Variants in RBM47 observed in about 807,000 individuals in gnomAD.
RBM47 encodes RNA binding motif protein 47, also known as RNA-binding protein 47.
Under a neutral mutation model 47.1 loss-of-function variants are expected in RBM47, and 21 were observed. That is an observed-to-expected ratio of 0.45 (90% CI 0.32 to 0.64). The LOEUF is 0.64. RBM47 is among the 30% of genes least tolerant of loss of function. The pLI, the probability that RBM47 is intolerant of heterozygous loss-of-function variation, is 0.05. For synonymous variants in RBM47, 375 were observed against 361.7 expected (o/e 1.04, Z -0.42); for missense variants, 708 against 870.9 (o/e 0.81, Z 2.35).
intron 3 of RBM47, among the ~76,000 whole-genome samples, chr4:40,458,066 T>C (rs1716563039): frequency 6.6e-6 from 1 of 152,254 alleles, no homozygotes; most frequent in African/African-American, 2.4e-5. Context: ...CCTCCTAATT[T>C]GAAACTATAT....
intron 1 of RBM47, among the ~76,000 whole-genome samples, chr4:40,581,434 T>TAATTAATAAATA (rs1553904672): frequency 2.9e-5 from 4 of 138,988 alleles, no homozygotes; most frequent in Non-Finnish European, 6.1e-5. Flanking sequence ...AAAAAAGTAA[T>TAATTAATAAATA]AATAAATAAA....
intron 1 of RBM47, among the ~76,000 whole-genome samples, chr4:40,620,195 GAAAAAAAAAAAAA>G (rs200356171): frequency 1.9e-4 from 15 of 80,208 alleles, no homozygotes; most frequent in African/African-American, 3.0e-4. Context: ...GACTCAGTAT[GAAAAAAAAAAAAA>G]AAAAAAAAAA....
intron 1 of RBM47, among the ~76,000 whole-genome samples, chr4:40,550,423 C>A (rs2102162): frequency 6.6e-6 from 1 of 151,726 alleles, no homozygotes; most frequent in Admixed American, 6.6e-5. Flanking sequence ...GTTTATCATA[C>A]GTAATTTTTT....
chr4:40,450,989 G>T (rs1042948126), intron 3 of RBM47, among the ~76,000 whole-genome samples: 1 of 152,092 alleles, frequency 6.6e-6, no homozygotes, highest in South Asian at 2.1e-4. Context: ...AAATAGAGAA[G>T]AAGTTGTTAT....
At chr4:40,457,801 A>C (rs181085355) in intron 3 of RBM47, among the ~76,000 whole-genome samples, 2 of 152,114 alleles carry the variant, frequency 1.3e-5, no homozygotes, top group African/African-American at 4.8e-5. Context: ...GTTTAAAAAA[A>C]TTTTCTTAAA....
intron 2 of RBM47, among the ~76,000 whole-genome samples, chr4:40,484,925 C>T (rs901721017): frequency 3.9e-5 from 6 of 152,178 alleles, no homozygotes; most frequent in African/African-American, 1.4e-4. Context: ...CACAACATTG[C>T]CTAAACAGCA....
At chr4:40,500,850 A>C (rs988971570) in intron 2 of RBM47, among the ~76,000 whole-genome samples, 5 of 152,162 alleles carry the variant, frequency 3.3e-5, no homozygotes, top group Non-Finnish European at 5.9e-5. Context: ...CCTTAACCAC[A>C]ATTTTTTCAG....
intron 2 of RBM47, among the ~76,000 whole-genome samples, chr4:40,497,361 G>A (rs567411127): frequency 2.0e-5 from 3 of 152,316 alleles, no homozygotes; most frequent in East Asian, 1.9e-4. Context: ...GCTCAAGCCT[G>A]TAATCCCAGC....
Position 40,429,156 on chromosome 4 carries a change from G to A in RBM47, c.1543-3013C>T, listed in dbSNP as rs577996105. Among the ~76,000 whole-genome samples, 9 of 152,088 alleles carry A rather than the reference G, an allele frequency of 5.9e-5. 1 individual carries two copies. In the South Asian group the frequency reaches 1.9e-3, roughly 32 times the overall value. On this transcript the variant is annotated intron_variant, in intron 6 of 6. Coordinates refer to ENST00000295971, the MANE Select transcript of RBM47 (RefSeq NM_001098634.2). ...GCCCATGTCACTTAATAGCCATCTGGGTTATCAGATTGACCGTCAAGGAAC... is the reference window on the plus strand; with the variant it reads ...GCCCATGTCACTTAATAGCCATCTGAGTTATCAGATTGACCGTCAAGGAAC...
intron 3 of RBM47, among the ~76,000 whole-genome samples, chr4:40,456,658 C>A (rs1422327030): frequency 1.4e-5 from 2 of 145,256 alleles, no homozygotes; most frequent in South Asian, 4.3e-4. Flanking sequence ...CTCAACTTCT[C>A]AGGCTCAAGC....
upstream of RBM47, chr4:40,630,005 G>T (rs1738093982): frequency 6.6e-6 from 1 of 152,406 alleles, no homozygotes; most frequent in South Asian, 2.1e-4. Context: ...CCCAACACCG[G>T]CAACTTCCCG....
rs1714869284 is a variant in RBM47 at position 40,425,268 on chromosome 4, G to C, written c.*636C>G. ...CAAGTCTTTTCAATGTTGGCTTAAG[G>C]AGAGATCCAGTGTTTAATTTCTTTT... On this transcript the variant is annotated 3_prime_UTR_variant, in exon 7 of 7. Transcript: ENST00000295971. 6.6e-6 allele frequency: 1 copy of C among 152,666 alleles called. No individual in the cohort carries two copies. The highest frequency in any genetic ancestry group is 2.4e-5 in the African/African-American group (1 of 41,448). The allele number at this position is 152,666 out of a possible 1,614,324, so 9.5% of individuals were successfully genotyped here.
intron 2 of RBM47, among the ~76,000 whole-genome samples, chr4:40,506,046 T>C (rs1006395189): frequency 3.9e-5 from 6 of 152,360 alleles, no homozygotes; most frequent in Admixed American, 3.3e-4. Context: ...CTCTGACCTA[T>C]CTACTATCAA....
intron 3 of RBM47, among the ~76,000 whole-genome samples, chr4:40,443,794 G>T (rs892552696): frequency 7.0e-6 from 1 of 143,054 alleles, no homozygotes; most frequent in African/African-American, 2.6e-5. Flanking sequence ...AAATCTTATG[G>T]CCTACAAGTT....
chr4:40,581,986 C>T (rs1302803778), intron 1 of RBM47, among the ~76,000 whole-genome samples: 1 of 152,034 alleles, frequency 6.6e-6, no homozygotes, highest in Admixed American at 6.6e-5. Flanking sequence ...AGTGGATCGC[C>T]ATCCCCCAGG....
At chr4:40,567,946 T>G (rs1450145969) in intron 1 of RBM47, among the ~76,000 whole-genome samples, 3 of 151,964 alleles carry the variant, frequency 2.0e-5, no homozygotes, top group African/African-American at 4.8e-5. Context: ...CAGAGAATGT[T>G]CTAAAGTCCC....
At chr4:40,566,899 C>T (rs543211430) in intron 1 of RBM47, among the ~76,000 whole-genome samples, 29 of 151,908 alleles carry the variant, frequency 1.9e-4, no homozygotes, top group Non-Finnish European at 3.2e-4. Context: ...CCTCCCACCT[C>T]GTCCTCCCAA....
chr4:40,456,878 C>T (rs1716352920), intron 3 of RBM47, among the ~76,000 whole-genome samples: 1 of 152,002 alleles, frequency 6.6e-6, no homozygotes, highest in African/African-American at 2.4e-5. Context: ...GGATTAAAGG[C>T]GTGAGCCAAC....
intron 2 of RBM47, among the ~76,000 whole-genome samples, chr4:40,481,445 G>GTAT (rs71647001): frequency 0.12 from 15,732 of 126,722 alleles, 1,166 homozygotes; most frequent in Non-Finnish European, 0.16. Flanking sequence ...GCTAATTTTT[G>GTAT]TATTATTATT....
Sources: gnomAD v4.1 joint callset for allele counts (sites outside exome capture counted in the v4.1 genomes callset) on GRCh38, gnomAD v4.1.1 for gene constraint, MANE v1.5 for transcripts, NCBI Gene and HGNC (gene_info 2026-07-23, HGNC 2026-07-21) for gene names.